TMEM64: variants seen among roughly 807,000 people sequenced by gnomAD.
TMEM64 encodes transmembrane protein 64.
A neutral mutation model predicts 24.5 loss-of-function variants in TMEM64; 19 were observed. The ratio of observed to expected loss-of-function variants is 0.78; its 90% CI spans 0.54 to 1.14. The LOEUF is 1.14. Ranked by LOEUF, TMEM64 falls within the 50% of genes most tolerant of loss-of-function variation. The pLI is 0.00. For missense variants in TMEM64, 487 were observed against 493.0 expected (o/e 0.99, Z 0.12); for synonymous variants, 262 against 224.7 (o/e 1.17, Z -1.49).
chr8:90,645,351 A>T lies in TMEM64; in HGVS notation c.555T>A (p.Ala185=), dbSNP rs749624341. The T allele has an allele frequency of 1.2e-5, 18 of 1,554,160 alleles. No individual in the cohort carries two copies. The highest frequency in any genetic ancestry group is 1.1e-5 in the Non-Finnish European group (13 of 1,148,348). The change falls in exon 1 of 3, where the codon GCT becomes GCA. Residue 185 remains alanine (A), a synonymous_variant. Transcript: ENST00000458549. The surrounding 1 kb of genome is among the most constrained non-coding windows in gnomAD (Gnocchi z 4.2). ...CCAGCACGAAGCCGTACAGGTAGCCAGCGGCCACGTTGAGCACGATGTAGC... is the reference window on the plus strand; with the variant it reads ...CCAGCACGAAGCCGTACAGGTAGCCTGCGGCCACGTTGAGCACGATGTAGC... ...GWGYIVLNVA[A]GYLYGFVLGM...
chr8:90,625,679 C>T lies in TMEM64; in HGVS notation c.1135G>A (p.Val379Ile). Reference sequence around the variant, plus strand: ...CACGTATCTCATTAGAATCATACAACATTGATTCCACCTCCAGAAAATGTT... The same window carrying T: ...CACGTATCTCATTAGAATCATACAATATTGATTCCACCTCCAGAAAATGTT... ...TLTFSGGGIN[V>I]V is the part of the protein sequence containing the mutation. Residue 379 changes from valine (V) to isoleucine (I), a missense_variant, in exon 3 of 3, where the codon GTT (valine) becomes ATT (isoleucine). Transcript: ENST00000458549. 1.2e-6 allele frequency: 2 copies of T among 1,613,218 alleles called. No homozygotes were observed. The highest frequency in any genetic ancestry group is 1.7e-6 in the Non-Finnish European group (2 of 1,179,426).
chr8:90,633,009 T>A (rs1369034121), intron 1 of TMEM64, among the ~76,000 whole-genome samples: 1 of 152,232 alleles, frequency 6.6e-6, no homozygotes, highest in Admixed American at 6.5e-5. Flanking sequence ...ATGACATCTT[T>A]TGGATATTAA....
intron 1 of TMEM64, among the ~76,000 whole-genome samples, chr8:90,644,095 G>T (rs1809649290): frequency 6.6e-6 from 1 of 151,210 alleles, no homozygotes; most frequent in Non-Finnish European, 1.5e-5. Flanking sequence ...CTATGGTTTT[G>T]AATGCAATTA....
chr8:90,645,791 C>G lies in TMEM64; in HGVS notation c.115G>C (p.Gly39Arg), dbSNP rs988675260. 4 of 1,019,526 alleles carry G rather than the reference C, an allele frequency of 3.9e-6. No individual in the cohort carries two copies. Among genetic ancestry groups the G allele is most frequent in the Non-Finnish European group, 4.7e-6 (4 of 854,088 alleles). The allele number at this position is 1,019,526 out of a possible 1,614,324, so 63.2% of individuals were successfully genotyped here. The change falls in exon 1 of 3, where the codon GGG (glycine) becomes CGG (arginine). Residue 39 changes from glycine (G) to arginine (R), a missense_variant. This residue lies in a region of TMEM64 where 419 missense variants were observed against 407.5 expected (regional missense o/e 1.03). Coordinates refer to ENST00000458549, the MANE Select transcript of TMEM64 (RefSeq NM_001008495.4). This position sits in a 1 kb window ranked among gnomAD's most constrained non-coding sequence, Gnocchi z 4.2. ...GGAAGGCGGTCCGCCGGGCCGTCCC[C>G]GCCCGCACCCCGCGGCAGGGCCCAG... ...ARWALPRGAG[G>R]DGPADRLPRG... is the part of the protein sequence containing the mutation.
chr8:90,641,958 A>C (rs1809610883), intron 1 of TMEM64, among the ~76,000 whole-genome samples: 1 of 152,228 alleles, frequency 6.6e-6, no homozygotes, highest in Non-Finnish European at 1.5e-5. Flanking sequence ...AGTAACTATA[A>C]CTACTTCAAG....
chr8:90,636,747 T>C (rs1002064539), intron 1 of TMEM64, among the ~76,000 whole-genome samples: 1 of 152,206 alleles, frequency 6.6e-6, no homozygotes, highest in Non-Finnish European at 1.5e-5. Context: ...ACATTAAACA[T>C]GAGCCTAGAT....
At chr8:90,632,638 T>C (rs1278979344) in intron 1 of TMEM64, among the ~76,000 whole-genome samples, 1 of 152,194 alleles carries the variant, frequency 6.6e-6, no homozygotes, top group African/African-American at 2.4e-5. Context: ...TTTTGTATTT[T>C]AGTACAGACA....
At chr8:90,635,052 G>A (rs1362739592) in intron 1 of TMEM64, among the ~76,000 whole-genome samples, 1 of 152,138 alleles carries the variant, frequency 6.6e-6, no homozygotes, top group African/African-American at 2.4e-5. Context: ...CATGCGAGAT[G>A]CTCCAAGAAG....
At chr8:90,636,982 C>G in intron 1 of TMEM64, among the ~76,000 whole-genome samples, 1 of 152,246 alleles carries the variant, frequency 6.6e-6, no homozygotes, top group Admixed American at 6.5e-5. Flanking sequence ...ATTATATATC[C>G]TCTTATTCCC....
intron 2 of TMEM64, among the ~76,000 whole-genome samples, chr8:90,627,601 A>C (rs1409776505): frequency 3.3e-5 from 5 of 152,088 alleles, no homozygotes; most frequent in Non-Finnish European, 7.4e-5. Context: ...AAGAGGGCTG[A>C]GCTAAAGACA....
intron 1 of TMEM64, among the ~76,000 whole-genome samples, chr8:90,643,942 AAG>A (rs1586132470): frequency 6.6e-6 from 1 of 152,230 alleles, no homozygotes; most frequent in Non-Finnish European, 1.5e-5. Context: ...AAAAAAGAGA[AAG>A]GTTTTAATTT....
At chr8:90,636,093 A>T (rs1809513200) in intron 1 of TMEM64, among the ~76,000 whole-genome samples, 1 of 152,256 alleles carries the variant, frequency 6.6e-6, no homozygotes, top group African/African-American at 2.4e-5. Flanking sequence ...AAACAGTGTT[A>T]CTATGCATAC....
intron 1 of TMEM64, 142 bp downstream of exon 1, chr8:90,644,969 C>T (rs1003030238): frequency 2.2e-6 from 2 of 915,590 alleles, no homozygotes; most frequent in Non-Finnish European, 3.4e-6. Context: ...ACTTCCCAGG[C>T]TGCGATGGAA....
chr8:90,633,296 G>C (rs900109408), intron 1 of TMEM64, among the ~76,000 whole-genome samples: 1 of 152,172 alleles, frequency 6.6e-6, no homozygotes. Context: ...TCAATAGCTA[G>C]CAAAAATAGT....
intron 2 of TMEM64, among the ~76,000 whole-genome samples, chr8:90,626,786 C>T (rs1185976664): frequency 6.6e-6 from 1 of 151,866 alleles, no homozygotes; most frequent in Admixed American, 6.6e-5. Flanking sequence ...ATGCGCCCCA[C>T]GCCTGGCTAA....
chr8:90,632,732 T>C (rs750612342), intron 1 of TMEM64, among the ~76,000 whole-genome samples: 2 of 152,218 alleles, frequency 1.3e-5, no homozygotes, highest in African/African-American at 2.4e-5. Flanking sequence ...GTGCTATCAG[T>C]TTTTCATCTG....
chr8:90,641,810 C>G (rs184644536), intron 1 of TMEM64, among the ~76,000 whole-genome samples: 14 of 152,246 alleles, frequency 9.2e-5, no homozygotes, highest in Admixed American at 7.9e-4. Flanking sequence ...AAAAGTAGCT[C>G]AACTTCACTG....
At chr8:90,644,964 C>T in intron 1 of TMEM64, 147 bp downstream of exon 1, 1 of 894,130 alleles carries the variant, frequency 1.1e-6, no homozygotes, top group Non-Finnish European at 1.7e-6. Context: ...GACAGACTTC[C>T]CAGGCTGCGA....
At chr8:90,636,318 C>CG (rs1809516918) in intron 1 of TMEM64, among the ~76,000 whole-genome samples, 1 of 152,144 alleles carries the variant, frequency 6.6e-6, no homozygotes, top group Admixed American at 6.5e-5. Context: ...TGCAATGGCA[C>CG]GATCTCGGCT....
Sources: gnomAD v4.1 joint callset for allele counts (sites outside exome capture counted in the v4.1 genomes callset) on GRCh38, gnomAD v4.1.1 for gene constraint, gnomAD v4.1.1 regional missense constraint, Gnocchi (gnomAD v3.1) non-coding constraint, MANE v1.5 for transcripts, NCBI Gene and HGNC (gene_info 2026-07-23, HGNC 2026-07-21) for gene names.